CXCL13: variants seen among roughly 807,000 people sequenced by gnomAD.
CXCL13 encodes C-X-C motif chemokine 13.
In CXCL13, 7 loss-of-function variants were observed where a neutral mutation model predicts 12.2. That is an observed-to-expected ratio of 0.57 (90% CI 0.33 to 1.07). CXCL13 has a LOEUF of 1.07. Ranked by LOEUF, CXCL13 falls within the 50% of genes least tolerant of loss-of-function variation. CXCL13 has a pLI of 0.04. For missense variants in CXCL13, 113 were observed against 127.4 expected (o/e 0.89, Z 0.55); for synonymous variants, 47 against 42.4 (o/e 1.11, Z -0.42).
intron 1 of CXCL13, among the ~76,000 whole-genome samples, chr4:77,581,763 G>C (rs938069926): frequency 6.6e-6 from 1 of 152,042 alleles, no homozygotes; most frequent in Admixed American, 6.5e-5. Context: ...GACCTTTTCT[G>C]GTCTTTCTTA....
At chr4:77,581,064 G>A (rs548531930) in intron 1 of CXCL13, among the ~76,000 whole-genome samples, 7 of 152,126 alleles carry the variant, frequency 4.6e-5, no homozygotes, top group East Asian at 3.9e-4. Flanking sequence ...TATAGAGAAC[G>A]TAGGTTAGTG....
intron 1 of CXCL13, among the ~76,000 whole-genome samples, chr4:77,579,997 T>G (rs775379087): frequency 1.3e-5 from 2 of 152,172 alleles, no homozygotes; most frequent in African/African-American, 2.4e-5. Flanking sequence ...GATCAGACCT[T>G]GGCTGTGTAA....
intron 1 of CXCL13, among the ~76,000 whole-genome samples, chr4:77,569,652 C>T (rs1726018160): frequency 6.6e-6 from 1 of 152,188 alleles, no homozygotes; most frequent in African/African-American, 2.4e-5. Flanking sequence ...AAACACATTT[C>T]AGGCTCACGG....
At chr4:77,531,500 T>A (rs1724916455) in intron 1 of CXCL13, among the ~76,000 whole-genome samples, 2 of 152,068 alleles carry the variant, frequency 1.3e-5, no homozygotes. Flanking sequence ...TGTGGTGTGA[T>A]GCTGAAAAGA....
chr4:77,562,909 G>A (rs1725846359), intron 1 of CXCL13, among the ~76,000 whole-genome samples: 1 of 152,166 alleles, frequency 6.6e-6, no homozygotes, highest in South Asian at 2.1e-4. Flanking sequence ...CAGGATGTGG[G>A]TGGGGCCAGA....
intron 1 of CXCL13, among the ~76,000 whole-genome samples, chr4:77,556,729 G>A (rs1224307485): frequency 6.6e-6 from 1 of 151,962 alleles, no homozygotes; most frequent in East Asian, 1.9e-4. Flanking sequence ...AGAATATTAG[G>A]TCCACAATCC....
intron 1 of CXCL13, among the ~76,000 whole-genome samples, chr4:77,516,783 A>G (rs936661926): frequency 1.3e-5 from 2 of 151,834 alleles, no homozygotes; most frequent in Non-Finnish European, 2.9e-5. Context: ...TAATTTTTTG[A>G]AGGGTTTTTG....
intron 1 of CXCL13, among the ~76,000 whole-genome samples, chr4:77,536,160 G>C (rs761159014): frequency 6.6e-6 from 1 of 152,138 alleles, no homozygotes; most frequent in Non-Finnish European, 1.5e-5. Flanking sequence ...GCAGGAAATA[G>C]AGTGGAGTGT....
intron 1 of CXCL13, among the ~76,000 whole-genome samples, chr4:77,587,150 G>A (rs988646146): frequency 1.3e-5 from 2 of 152,158 alleles, no homozygotes; most frequent in Non-Finnish European, 2.9e-5. Flanking sequence ...AGTCAACAGT[G>A]CTCTGAACAA....
intron 1 of CXCL13, among the ~76,000 whole-genome samples, chr4:77,582,227 C>T (rs989808422): frequency 1.3e-5 from 2 of 152,166 alleles, no homozygotes; most frequent in Non-Finnish European, 2.9e-5. Context: ...CTGACCCACT[C>T]ATTCAATAAA....
At chr4:77,585,912 T>C (rs1272394290) in intron 1 of CXCL13, among the ~76,000 whole-genome samples, 1 of 152,202 alleles carries the variant, frequency 6.6e-6, no homozygotes, top group Admixed American at 6.5e-5. Context: ...ATCACAAAGA[T>C]AATTCAGACC....
chr4:77,561,332 T>C (rs1486643147), intron 1 of CXCL13, among the ~76,000 whole-genome samples: 1 of 152,192 alleles, frequency 6.6e-6, no homozygotes, highest in East Asian at 1.9e-4. Context: ...CCTATCAATA[T>C]TTAAGTTTGA....
intron 1 of CXCL13, among the ~76,000 whole-genome samples, chr4:77,607,449 A>G (rs942656322): frequency 1.3e-5 from 2 of 152,156 alleles, no homozygotes; most frequent in African/African-American, 4.8e-5. Flanking sequence ...GGCCTTCCAA[A>G]GTGCTGGGAT....
intron 1 of CXCL13, among the ~76,000 whole-genome samples, chr4:77,522,449 T>C (rs1046061585): frequency 2.6e-5 from 4 of 151,662 alleles, no homozygotes; most frequent in African/African-American, 4.8e-5. Context: ...AATGGCCTTC[T>C]TTGTCTCTTT....
At chr4:77,543,301 C>CA (rs1004734233) in intron 1 of CXCL13, among the ~76,000 whole-genome samples, 3 of 151,734 alleles carry the variant, frequency 2.0e-5, no homozygotes, top group Non-Finnish European at 4.4e-5. Flanking sequence ...TTGATCCTTT[C>CA]AAAAAAACTG....
Position 77,545,469 on chromosome 4 carries a change from T to A in CXCL13, c.-43+33681T>A, listed in dbSNP as rs191824218. On this transcript the variant is annotated intron_variant, in intron 1 of 4. Transcript: ENST00000286758. ...CCTTGAAGAGGTCCTTCACATCCCT[T>A]ATAAGGTGGATTCCTAGGTATTTTA... Among the ~76,000 whole-genome samples, 323 of 152,264 alleles carry A rather than the reference T, an allele frequency of 2.1e-3. 2 individuals carry two copies. Among genetic ancestry groups the A allele is most frequent in the African/African-American group, 7.5e-3 (311 of 41,556 alleles).
chr4:77,590,123 C>G (rs1726571149), intron 1 of CXCL13, among the ~76,000 whole-genome samples: 2 of 152,144 alleles, frequency 1.3e-5, no homozygotes, highest in Admixed American at 1.3e-4. Context: ...GACGTTTGTA[C>G]TGCGTGGCTC....
chr4:77,515,823 G>C (rs1435047332), intron 1 of CXCL13, among the ~76,000 whole-genome samples: 2 of 152,110 alleles, frequency 1.3e-5, no homozygotes, highest in Non-Finnish European at 2.9e-5. Flanking sequence ...TAATTGCCCT[G>C]GCCAGAACTT....
chr4:77,520,794 A>T (rs1724573722), intron 1 of CXCL13, among the ~76,000 whole-genome samples: 1 of 152,196 alleles, frequency 6.6e-6, no homozygotes, highest in South Asian at 2.1e-4. Flanking sequence ...GTCTTGTGCC[A>T]GTTTTCAAAG....
Sources: allele counts gnomAD v4.1 joint callset (sites outside exome capture counted in the v4.1 genomes callset), GRCh38; gene constraint gnomAD v4.1.1; transcripts MANE v1.5; gene names NCBI Gene and HGNC (gene_info 2026-07-23, HGNC 2026-07-21).